Variants in MCTP1 observed in about 807,000 individuals in gnomAD.
MCTP1 encodes multiple C2 and transmembrane domain containing 1.
Under a neutral mutation model 120.6 loss-of-function variants are expected in MCTP1, and 69 were observed. The observed-to-expected ratio is 0.57, with a 90% confidence interval of 0.47 to 0.70. The LOEUF (loss-of-function observed/expected upper bound fraction) is 0.70, where lower values mean the gene tolerates loss of function less well. Ranked by LOEUF, MCTP1 falls within the 30% of genes least tolerant of loss-of-function variation. MCTP1 has a pLI of 0.00. For synonymous variants in MCTP1, 529 were observed against 493.1 expected, an observed-to-expected ratio of 1.07 and a Z score of -0.96; for missense variants, 1,203 against 1,248.8, an observed-to-expected ratio of 0.96 and a Z score of 0.55.
intron 1 of MCTP1, among the ~76,000 whole-genome samples, chr5:95,076,567 A>G (rs1014421350): frequency 5.9e-5 from 9 of 152,126 alleles, no homozygotes; most frequent in African/African-American, 2.2e-4. Context: ...CTGCAGTTAC[A>G]TGGAGTTAAG....
At chr5:95,267,439 C>T (rs758536635) in intron 1 of MCTP1, among the ~76,000 whole-genome samples, 1 of 152,166 alleles carries the variant, frequency 6.6e-6, no homozygotes, top group Non-Finnish European at 1.5e-5. Context: ...CATCAGATTG[C>T]ATTTCTTGCC....
At chr5:95,152,414 A>G (rs57582457) in intron 1 of MCTP1, among the ~76,000 whole-genome samples, 133 of 152,306 alleles carry the variant, frequency 8.7e-4, no homozygotes, top group African/African-American at 2.6e-3. Context: ...TTATATTCTG[A>G]GCCCTAATTC....
chr5:95,231,663 A>C (rs1754962419), intron 1 of MCTP1, among the ~76,000 whole-genome samples: 1 of 152,242 alleles, frequency 6.6e-6, no homozygotes, highest in Non-Finnish European at 1.5e-5. Flanking sequence ...AAAGGAATGA[A>C]GAGTACCAGA....
At chr5:94,736,440 G>T (rs904147574) in intron 19 of MCTP1, among the ~76,000 whole-genome samples, 2 of 152,104 alleles carry the variant, frequency 1.3e-5, no homozygotes, top group African/African-American at 4.8e-5. Context: ...GCGAAATTGT[G>T]CCACTGCACT....
intron 17 of MCTP1, among the ~76,000 whole-genome samples, chr5:94,843,972 C>T (rs1024485460): frequency 6.6e-6 from 1 of 152,120 alleles, no homozygotes; most frequent in Non-Finnish European, 1.5e-5. Context: ...GCTGCTCAGG[C>T]TGTAGAATAG....
intron 1 of MCTP1, among the ~76,000 whole-genome samples, chr5:95,250,266 T>C (rs1047053435): frequency 2.6e-5 from 4 of 152,234 alleles, no homozygotes; most frequent in Non-Finnish European, 5.9e-5. Context: ...GTGATTCAGA[T>C]GTACAGCAAC....
At chr5:94,725,761 C>A (rs1007024373) in intron 19 of MCTP1, among the ~76,000 whole-genome samples, 3 of 152,144 alleles carry the variant, frequency 2.0e-5, no homozygotes, top group Non-Finnish European at 4.4e-5. Context: ...AATTTATTAA[C>A]TTCTTCATCT....
chr5:94,977,501 C>T (rs1002980210), intron 2 of MCTP1, among the ~76,000 whole-genome samples: 4 of 151,322 alleles, frequency 2.6e-5, no homozygotes, highest in African/African-American at 9.7e-5. Flanking sequence ...CACAGATGAC[C>T]CCGAATAGTC....
At chr5:94,903,133 T>G (rs375182310) in intron 10 of MCTP1, among the ~76,000 whole-genome samples, 3 of 149,492 alleles carry the variant, frequency 2.0e-5, no homozygotes, top group Non-Finnish European at 4.4e-5. Flanking sequence ...AATGAACTAT[T>G]TCACTCAATC....
intron 17 of MCTP1, among the ~76,000 whole-genome samples, chr5:94,863,618 T>A (rs901235951): frequency 2.0e-5 from 3 of 151,914 alleles, no homozygotes; most frequent in African/African-American, 7.2e-5. Flanking sequence ...CCCTTTTTGA[T>A]CCTTGATCAC....
chr5:95,253,346 C>A (rs779316659), intron 1 of MCTP1, among the ~76,000 whole-genome samples: 2 of 152,036 alleles, frequency 1.3e-5, no homozygotes, highest in South Asian at 2.1e-4. Context: ...GTGGGACAAC[C>A]ATCTACCTGG....
intron 19 of MCTP1, among the ~76,000 whole-genome samples, chr5:94,744,980 C>A (rs1305309174): frequency 1.3e-5 from 2 of 152,228 alleles, no homozygotes; most frequent in Non-Finnish European, 2.9e-5. Flanking sequence ...CTTAACACAG[C>A]ATTTCTTGTC....
chr5:94,821,191 A>T (rs1785565805), intron 17 of MCTP1, among the ~76,000 whole-genome samples: 1 of 152,204 alleles, frequency 6.6e-6, no homozygotes, highest in South Asian at 2.1e-4. Context: ...GAATTCTGTG[A>T]AACACAAAAC....
intron 1 of MCTP1, among the ~76,000 whole-genome samples, chr5:95,259,602 T>C (rs1758268187): frequency 6.6e-6 from 1 of 152,128 alleles, no homozygotes; most frequent in African/African-American, 2.4e-5. Flanking sequence ...AAAAAAACCA[T>C]TGCTGTACCC....
chr5:95,001,755 C>T (rs183611313), intron 2 of MCTP1, among the ~76,000 whole-genome samples: 1 of 152,110 alleles, frequency 6.6e-6, no homozygotes, highest in Non-Finnish European at 1.5e-5. Flanking sequence ...AAATTTGCAG[C>T]CTGATGATGC....
At chr5:94,898,468 A>T (rs1470422276) in intron 10 of MCTP1, among the ~76,000 whole-genome samples, 3 of 152,210 alleles carry the variant, frequency 2.0e-5, no homozygotes, top group Admixed American at 6.5e-5. Context: ...ATAACTTTTG[A>T]ACAAATATGT....
At position 95,004,081 on chromosome 5, in the gene MCTP1, G is replaced by A. The variant is rs143578746; in HGVS notation, c.838+13286C>T. On this transcript the variant is annotated intron_variant, in intron 2 of 22. Coordinates refer to ENST00000515393, the MANE Select transcript of MCTP1 (RefSeq NM_024717.7). ...GGTGAGAAACTCATTTGGAACTAGA[G>A]TAAAGGTCACTCTTGCTGTGCTTTA... Among the ~76,000 whole-genome samples, 31 of 152,300 alleles carry A rather than the reference G, an allele frequency of 2.0e-4. 1 individual carries two copies. In the East Asian group the frequency reaches 5.8e-3, roughly 28 times the overall value.
At chr5:94,950,717 G>A (rs1324337384) in intron 3 of MCTP1, among the ~76,000 whole-genome samples, 1 of 152,006 alleles carries the variant, frequency 6.6e-6, no homozygotes, top group Non-Finnish European at 1.5e-5. Context: ...ACTTTGGGAG[G>A]CCGAGGAGGG....
At chr5:94,905,585 G>A (rs556187152) in intron 10 of MCTP1, among the ~76,000 whole-genome samples, 1 of 152,270 alleles carries the variant, frequency 6.6e-6, no homozygotes, top group Admixed American at 6.5e-5. Context: ...TCAGGTTGCT[G>A]ATTGATTTGA....
Sources: allele counts gnomAD v4.1 joint callset (sites outside exome capture counted in the v4.1 genomes callset), GRCh38; gene constraint gnomAD v4.1.1; transcripts MANE v1.5; gene names NCBI Gene and HGNC (gene_info 2026-07-23, HGNC 2026-07-21).